Variants in SEMA5B observed in about 807,000 individuals in gnomAD.
SEMA5B encodes the protein semaphorin 5B, also known as semaphorin-5B.
SEMA5B carries 66 observed loss-of-function variants against 135.0 expected under a neutral mutation model. That is an observed-to-expected ratio of 0.49 (90% CI 0.40 to 0.60). The LOEUF is 0.60. SEMA5B is among the 20% of genes least tolerant of loss of function. The pLI, the probability that SEMA5B is intolerant of heterozygous loss-of-function variation, is 0.00. For synonymous variants in SEMA5B, 690 were observed against 639.5 expected (o/e 1.08, Z -1.19); for missense variants, 1,501 against 1,566.3 (o/e 0.96, Z 0.70).
chr3:123,022,316 GA>G (rs1942702240), intron 1 of SEMA5B, among the ~76,000 whole-genome samples: 2 of 152,188 alleles, frequency 1.3e-5, no homozygotes, highest in Non-Finnish European at 2.9e-5. Context: ...TGCTGGCCAG[GA>G]CATTTCTGGT....
At chr3:122,988,496 A>C (rs1301239532) in intron 1 of SEMA5B, among the ~76,000 whole-genome samples, 1 of 152,226 alleles carries the variant, frequency 6.6e-6, no homozygotes, top group Non-Finnish European at 1.5e-5. Flanking sequence ...AACCAGTTGG[A>C]CAGGCAGACA....
chr3:122,922,505 G>T (rs1402273227), intron 10 of SEMA5B, 58 bp from the exon 11 acceptor site: 4 of 1,490,888 alleles, frequency 2.7e-6, no homozygotes, highest in Non-Finnish European at 3.6e-6. Context: ...GCCATCCCCC[G>T]CCGGCTCCCT....
At chr3:122,978,696 A>G (rs959747174) in intron 1 of SEMA5B, among the ~76,000 whole-genome samples, 1 of 152,138 alleles carries the variant, frequency 6.6e-6, no homozygotes, top group African/African-American at 2.4e-5. Flanking sequence ...CCAGGGGTGG[A>G]GAGGCATGGA....
chr3:122,952,204 A>T (rs182009182), intron 2 of SEMA5B, among the ~76,000 whole-genome samples: 3 of 152,080 alleles, frequency 2.0e-5, no homozygotes, highest in African/African-American at 7.2e-5. Flanking sequence ...CCCTTGAATG[A>T]TTTTTCACAC....
chr3:123,016,628 G>C (rs1234891265), intron 1 of SEMA5B, among the ~76,000 whole-genome samples: 12 of 152,154 alleles, frequency 7.9e-5, no homozygotes, highest in Admixed American at 7.9e-4. Context: ...AGGCTAGAGT[G>C]CAGTGATGCT....
chr3:122,934,936 G>T (rs1339481072), intron 5 of SEMA5B, among the ~76,000 whole-genome samples: 1 of 151,750 alleles, frequency 6.6e-6, no homozygotes, highest in African/African-American at 2.4e-5. Flanking sequence ...TGGATGTTAT[G>T]ATATGTCTGA....
intron 2 of SEMA5B, among the ~76,000 whole-genome samples, chr3:122,957,606 C>T (rs1264447051): frequency 2.0e-5 from 3 of 152,188 alleles, no homozygotes; most frequent in African/African-American, 7.2e-5. Flanking sequence ...AGTACAAATG[C>T]CTGGAGCATA....
intron 1 of SEMA5B, among the ~76,000 whole-genome samples, chr3:123,011,228 T>G (rs949044845): frequency 5.9e-5 from 9 of 152,194 alleles, no homozygotes; most frequent in Non-Finnish European, 1.3e-4. Flanking sequence ...AACCAGAGCC[T>G]TGGTTTCCCT....
intron 2 of SEMA5B, among the ~76,000 whole-genome samples, chr3:122,958,036 C>T (rs1576366464): frequency 6.6e-6 from 1 of 152,218 alleles, no homozygotes; most frequent in Non-Finnish European, 1.5e-5. Flanking sequence ...GGCAGTTTTT[C>T]CCAGGTCCTG....
chr3:122,992,622 C>T (rs1257028968), intron 1 of SEMA5B, among the ~76,000 whole-genome samples: 2 of 152,194 alleles, frequency 1.3e-5, no homozygotes, highest in Admixed American at 1.3e-4. Flanking sequence ...TCCTCACCCC[C>T]TATTGGCCCT....
At chr3:123,022,746 A>C (rs986282873) in intron 1 of SEMA5B, among the ~76,000 whole-genome samples, 1 of 152,228 alleles carries the variant, frequency 6.6e-6, no homozygotes, top group African/African-American at 2.4e-5. Flanking sequence ...ATCAGGACTG[A>C]GAGGCCATTC....
At chr3:122,966,147 CCA>C (rs1468618045) in intron 1 of SEMA5B, among the ~76,000 whole-genome samples, 1 of 152,176 alleles carries the variant, frequency 6.6e-6, no homozygotes, top group African/African-American at 2.4e-5. Flanking sequence ...ATGATGCCCC[CCA>C]CACTCTTATT....
At chr3:123,013,495 T>C (rs941309540) in intron 1 of SEMA5B, among the ~76,000 whole-genome samples, 1 of 152,214 alleles carries the variant, frequency 6.6e-6, no homozygotes, top group Non-Finnish European at 1.5e-5. Context: ...GAAGTAGGTA[T>C]GATGGCCATT....
chr3:122,976,082 C>T (rs983786229), intron 1 of SEMA5B: 8 of 1,535,156 alleles, frequency 5.2e-6, no homozygotes, highest in Non-Finnish European at 7.0e-6. Context: ...TCCTTCTGAC[C>T]CTCACGCAGC....
At chr3:123,026,566 C>T (rs1455451325) in intron 1 of SEMA5B, among the ~76,000 whole-genome samples, 1 of 152,124 alleles carries the variant, frequency 6.6e-6, no homozygotes, top group Non-Finnish European at 1.5e-5. Context: ...TCGAGCCTCG[C>T]CTTCTTCCTC....
intron 1 of SEMA5B, among the ~76,000 whole-genome samples, chr3:122,980,361 G>C (rs1296067390): frequency 6.6e-6 from 1 of 151,964 alleles, no homozygotes; most frequent in Non-Finnish European, 1.5e-5. Flanking sequence ...TCGGGAGGCT[G>C]AGGCAGGAGA....
chr3:122,965,994 G>C (rs1180134123), intron 1 of SEMA5B, among the ~76,000 whole-genome samples: 1 of 152,186 alleles, frequency 6.6e-6, no homozygotes, highest in East Asian at 1.9e-4. Flanking sequence ...CCACTTCTTG[G>C]CACAGGTGGC....
At chr3:123,016,248 C>G (rs1231158751) in intron 1 of SEMA5B, among the ~76,000 whole-genome samples, 1 of 152,208 alleles carries the variant, frequency 6.6e-6, no homozygotes, top group Non-Finnish European at 1.5e-5. Context: ...GGAAAACTCA[C>G]TGGGAAGACA....
intron 1 of SEMA5B, among the ~76,000 whole-genome samples, chr3:123,001,861 CG>C (rs1942183970): frequency 6.6e-6 from 1 of 152,160 alleles, no homozygotes; most frequent in South Asian, 2.1e-4. Flanking sequence ...AAATTCTACA[CG>C]ATAAGGTGCA....
Sources: gnomAD v4.1 joint callset for allele counts (sites outside exome capture counted in the v4.1 genomes callset) on GRCh38, gnomAD v4.1.1 for gene constraint, MANE v1.5 for transcripts, NCBI Gene and HGNC (gene_info 2026-07-23, HGNC 2026-07-21) for gene names.